NAV3: variants seen among roughly 807,000 people sequenced by gnomAD.
NAV3 encodes the protein neuron navigator 3, also known as pore membrane and/or filament interacting like protein 1.
NAV3 carries 87 observed loss-of-function variants against 244.7 expected under a neutral mutation model. That is an observed-to-expected ratio of 0.36 (90% CI 0.30 to 0.42). NAV3 has a LOEUF of 0.42. Ranked by LOEUF, NAV3 falls within the 20% of genes least tolerant of loss-of-function variation. NAV3 has a pLI of 1.00. For missense variants in NAV3, 2,663 were observed against 2,893.3 expected (o/e 0.92, Z 1.83); for synonymous variants, 1,126 against 1,042.2 (o/e 1.08, Z -1.55).
chr12:77,599,937 G>A (rs75130357), intron 2 of NAV3, among the ~76,000 whole-genome samples: 26,270 of 151,830 alleles, frequency 0.17, 2,665 homozygotes, highest in Admixed American at 0.23. Context: ...CTCTCACACT[G>A]TGAATAGAAA....
chr12:77,874,232 T>G (rs1456810269), intron 1 of NAV3, among the ~76,000 whole-genome samples: 3 of 152,076 alleles, frequency 2.0e-5, no homozygotes, highest in Non-Finnish European at 4.4e-5. Context: ...TTTATTTGTT[T>G]ATTTTGAGAT....
intron 18 of NAV3, among the ~76,000 whole-genome samples, chr12:78,136,083 GT>G (rs2138994676): frequency 6.6e-6 from 1 of 152,160 alleles, no homozygotes; most frequent in South Asian, 2.1e-4. Flanking sequence ...GTTTTACATT[GT>G]TTTGAGAGCC....
chr12:77,995,872 G>C (rs1219796519), intron 6 of NAV3, among the ~76,000 whole-genome samples: 1 of 152,094 alleles, frequency 6.6e-6, no homozygotes, highest in Non-Finnish European at 1.5e-5. Flanking sequence ...ACTTGGGCAT[G>C]TAAAATATTT....
chr12:77,741,148 C>CAAAAAAAAAAAAAAAAAAAAGAAAAA, intron 2 of NAV3, among the ~76,000 whole-genome samples: 1 of 68,668 alleles, frequency 1.5e-5, no homozygotes, highest in Non-Finnish European at 2.7e-5. Flanking sequence ...AAAAAAAAGA[C>CAAAAAAAAAAAAAAAAAAAAGAAAAA]AAAAAAAAAA....
intron 21 of NAV3, among the ~76,000 whole-genome samples, chr12:78,147,301 A>G (rs573501469): frequency 1.3e-5 from 2 of 152,232 alleles, no homozygotes; most frequent in South Asian, 4.1e-4. Flanking sequence ...CACTGATCAT[A>G]GTATAGCTAC....
Position 77,968,588 on chromosome 12 carries a change from A to G in NAV3, c.557A>G (p.Gln186Arg). 6.2e-7 allele frequency: 1 copy of G among 1,614,188 alleles called. No homozygotes were observed. Among genetic ancestry groups the G allele is most frequent in the Non-Finnish European group, 8.5e-7 (1 of 1,180,012 alleles). Residue 186 changes from glutamine (Q) to arginine (R), a missense_variant, in exon 5 of 40, where the codon CAA becomes CGA. Physicochemically the swap from Gln to Arg is conservative, Grantham distance 43. Around this residue, in one of 6 missense-constraint regions of NAV3, gnomAD observed 1,521 missense variants for 1,497.0 expected, o/e 1.02. Transcript: ENST00000397909. ...AGTTTATCTCGCTACAAGCAGCAAC[A>G]ACACCATCAACAACAGTACTATCAG... ...FFSLSRYKQQ[Q>R]HHQQQYYQSL...
At chr12:78,059,961 A>ATGTGTGTGTGTGTGTGTGTGTC (rs1884086329) in intron 12 of NAV3, among the ~76,000 whole-genome samples, 1 of 149,562 alleles carries the variant, frequency 6.7e-6, no homozygotes, top group Non-Finnish European at 1.5e-5. Context: ...TTTCTTAAAG[A>ATGTGTGTGTGTGTGTGTGTGTC]TGTGTGTGTG....
chr12:77,866,532 TTCC>T (rs1880057807), intron 1 of NAV3, among the ~76,000 whole-genome samples: 1 of 152,130 alleles, frequency 6.6e-6, no homozygotes, highest in Non-Finnish European at 1.5e-5. Context: ...AACCAAACAT[TTCC>T]TCCTATCCCA....
intron 12 of NAV3, among the ~76,000 whole-genome samples, chr12:78,065,799 G>A (rs1884947540): frequency 1.3e-5 from 2 of 152,066 alleles, no homozygotes; most frequent in South Asian, 4.1e-4. Context: ...TCAACAAAAG[G>A]GACAGGATGA....
At chr12:77,817,508 T>C (rs568964219) in intron 2 of NAV3, among the ~76,000 whole-genome samples, 6 of 152,242 alleles carry the variant, frequency 3.9e-5, no homozygotes, top group Admixed American at 3.3e-4. Flanking sequence ...TCTGCCAAGT[T>C]CTTCTAGTGA....
chr12:77,841,985 C>T lies in NAV3; in HGVS notation c.243+10281C>T, dbSNP rs192709796. Among the ~76,000 whole-genome samples the T allele has an allele frequency of 2.0e-3, 304 of 152,174 alleles. 2 individuals are homozygous for T. The highest frequency in any genetic ancestry group is 6.6e-3 in the African/African-American group (272 of 41,508). ...CATGTATCTGTGTACCCAGAAATTA[C>T]GGGAAATAGTTTGGTAAACTATTAG... On this transcript the variant is annotated intron_variant, in intron 1 of 39. Coordinates refer to ENST00000397909, the MANE Select transcript of NAV3 (RefSeq NM_001024383.2).
intron 2 of NAV3, among the ~76,000 whole-genome samples, chr12:77,705,744 T>C (rs940125170): frequency 2.6e-5 from 4 of 151,444 alleles, no homozygotes; most frequent in Non-Finnish European, 5.9e-5. Context: ...CTGGTAATTA[T>C]ATAGTACAAG....
intron 2 of NAV3, among the ~76,000 whole-genome samples, chr12:77,766,738 T>TGTTTTTTTTTTG (rs71088336): frequency 1.0e-4 from 2 of 19,608 alleles, no homozygotes; most frequent in Non-Finnish European, 2.0e-4. Flanking sequence ...CAATTAAGTT[T>TGTTTTTTTTTTG]TTTTTTTTTT....
At chr12:78,120,971 T>C (rs1262153981) in intron 15 of NAV3, among the ~76,000 whole-genome samples, 1 of 152,242 alleles carries the variant, frequency 6.6e-6, no homozygotes, top group Non-Finnish European at 1.5e-5. Context: ...CAGAACTGTC[T>C]TTTTAAAATA....
rs566463483 is a variant in NAV3 at position 77,653,308 on chromosome 12, G to A, written c.72+81042G>A. Reference sequence around the variant, plus strand: ...CCTGATACTGACAGGTGCTAATTGAGTATTTGTTGACTGACTGAATGAATA... The same window carrying A: ...CCTGATACTGACAGGTGCTAATTGAATATTTGTTGACTGACTGAATGAATA... On this transcript the variant is annotated intron_variant, in intron 2 of 8. Coordinates refer to the NAV3 transcript ENST00000550042. Among the ~76,000 whole-genome samples the A allele has an allele frequency of 5.9e-5, 9 of 152,326 alleles. No individual in the cohort carries two copies. The South Asian group carries it at 1.9e-3, about 32-fold the overall frequency.
chr12:77,777,773 C>A (rs1415382654), intron 2 of NAV3, among the ~76,000 whole-genome samples: 1 of 151,460 alleles, frequency 6.6e-6, no homozygotes, highest in East Asian at 1.9e-4. Flanking sequence ...GGTACCTCAC[C>A]AAAAATGTTA....
intron 1 of NAV3, among the ~76,000 whole-genome samples, chr12:77,902,759 A>C (rs1227432366): frequency 6.6e-6 from 1 of 152,194 alleles, no homozygotes; most frequent in Non-Finnish European, 1.5e-5. Context: ...GTCTCAGCCC[A>C]AAATCTCCTT....
In NAV3 at chr12:77,834,723, C is replaced by A. The variant is rs187290079; in HGVS notation, c.243+3019C>A. Among the ~76,000 whole-genome samples the A allele has an allele frequency of 3.3e-3, 504 of 152,294 alleles. 6 individuals carry two copies. Among genetic ancestry groups the A allele is most frequent in the Middle Eastern group, 0.027 (8 of 294 alleles). ...ATCAAACATCTGATATCCCAATAAG[C>A]CTCTGTGGTAAGCAAAGTTGTATTT... is the stretch of plus-strand genomic sequence containing the variant. On this transcript the variant is annotated intron_variant, in intron 1 of 39. Transcript: ENST00000397909.
chr12:78,199,814 G>A (rs1194740854), intron 37 of NAV3, among the ~76,000 whole-genome samples: 6 of 151,772 alleles, frequency 4.0e-5, no homozygotes, highest in South Asian at 4.2e-4. Context: ...GAATAGTATC[G>A]ATTTAGGATA....
Sources: gnomAD v4.1 joint callset for allele counts (sites outside exome capture counted in the v4.1 genomes callset) on GRCh38, gnomAD v4.1.1 for gene constraint, gnomAD v4.1.1 regional missense constraint, MANE v1.5 for transcripts, NCBI Gene and HGNC (gene_info 2026-07-23, HGNC 2026-07-21) for gene names.